The following MDGA2 variants were observed in gnomAD, a reference collection of about 807,000 sequenced individuals.
MDGA2 encodes MAM domain-containing glycosylphosphatidylinositol anchor protein 2.
A neutral mutation model predicts 117.8 loss-of-function variants in MDGA2; 40 were observed. The observed-to-expected ratio is 0.34, with a 90% confidence interval of 0.26 to 0.44. The LOEUF (loss-of-function observed/expected upper bound fraction) is 0.44. Among genes scored for constraint, MDGA2 ranks in the 20% least tolerant of loss-of-function variants. MDGA2 has a pLI of 1.00. For missense variants in MDGA2, 1,123 were observed against 1,250.6 expected, an observed-to-expected ratio of 0.90 and a Z score of 1.54; for synonymous variants, 452 against 439.0, an observed-to-expected ratio of 1.03 and a Z score of -0.37.
At chr14:47,183,422 G>T (rs567195738) in intron 3 of MDGA2, among the ~76,000 whole-genome samples, 1 of 151,864 alleles carries the variant, frequency 6.6e-6, no homozygotes, top group Non-Finnish European at 1.5e-5. Context: ...TTCCAATTTT[G>T]ACATTTCAAT....
intron 2 of MDGA2, among the ~76,000 whole-genome samples, chr14:47,265,170 T>C (rs1887924441): frequency 1.3e-5 from 2 of 152,174 alleles, no homozygotes; most frequent in African/African-American, 4.8e-5. Context: ...GCACTGTACA[T>C]CATTACATAG....
At chr14:47,172,768 C>T (rs756621273) in intron 3 of MDGA2, among the ~76,000 whole-genome samples, 20 of 152,204 alleles carry the variant, frequency 1.3e-4, no homozygotes, top group Non-Finnish European at 2.6e-4. Flanking sequence ...GAATGCAGTT[C>T]CTCACTAGCA....
At chr14:47,158,887 T>C (rs1056552605) in intron 3 of MDGA2, among the ~76,000 whole-genome samples, 2 of 152,214 alleles carry the variant, frequency 1.3e-5, no homozygotes, top group African/African-American at 4.8e-5. Context: ...TCTCAAGCCA[T>C]GAATACACAT....
At chr14:47,505,523 C>T (rs1186590994) in intron 1 of MDGA2, among the ~76,000 whole-genome samples, 1 of 152,068 alleles carries the variant, frequency 6.6e-6, no homozygotes, top group Non-Finnish European at 1.5e-5. Context: ...TGTTGCATCA[C>T]TATGTACTCA....
At chr14:46,945,605 A>G (rs1017947343) in intron 9 of MDGA2, among the ~76,000 whole-genome samples, 2 of 152,044 alleles carry the variant, frequency 1.3e-5, no homozygotes, top group Non-Finnish European at 1.5e-5. Context: ...TCCTGCAGAT[A>G]GATGCTTTTG....
At chr14:47,151,980 A>G (rs1012184728) in intron 3 of MDGA2, among the ~76,000 whole-genome samples, 2 of 152,146 alleles carry the variant, frequency 1.3e-5, no homozygotes, top group African/African-American at 4.8e-5. Flanking sequence ...ATAATAATTA[A>G]GAAAAATGTG....
Position 47,521,234 on chromosome 14 carries a change from A to C in MDGA2, c.280+153283T>G, listed in dbSNP as rs138712482. ...ATTCAATTATTGAATAAGAAACTAG[A>C]ATCTGGATGTGGGGGATCAGTTTTT... On this transcript the variant is annotated intron_variant, in intron 1 of 16. Transcript: ENST00000399232. Among the ~76,000 whole-genome samples the C allele has an allele frequency of 1.1e-4, 17 of 152,266 alleles. No homozygotes were observed. The East Asian group carries it at 3.3e-3, about 29-fold the overall frequency.
intron 1 of MDGA2, among the ~76,000 whole-genome samples, chr14:47,574,073 T>C (rs533568595): frequency 1.2e-4 from 18 of 152,090 alleles, no homozygotes; most frequent in African/African-American, 3.1e-4. Context: ...AAACATTAGG[T>C]TATATATGGC....
intron 1 of MDGA2, among the ~76,000 whole-genome samples, chr14:47,648,197 C>G: frequency 6.6e-6 from 1 of 152,106 alleles, no homozygotes; most frequent in South Asian, 2.1e-4. Context: ...TGAGACACTT[C>G]TGTTTTTAAT....
chr14:47,175,341 A>C (rs1884388746), intron 3 of MDGA2, among the ~76,000 whole-genome samples: 2 of 151,820 alleles, frequency 1.3e-5, no homozygotes, highest in Non-Finnish European at 2.9e-5. Context: ...GCAGAGACAC[A>C]ACCAAAAAAG....
intron 1 of MDGA2, among the ~76,000 whole-genome samples, chr14:47,584,759 C>A (rs1002630787): frequency 6.6e-6 from 1 of 151,802 alleles, no homozygotes; most frequent in African/African-American, 2.4e-5. Flanking sequence ...TTCTTATAAT[C>A]CCATAGAAGT....
intron 1 of MDGA2, among the ~76,000 whole-genome samples, chr14:47,336,079 T>C (rs1005283706): frequency 6.6e-6 from 1 of 151,840 alleles, no homozygotes; most frequent in South Asian, 2.1e-4. Context: ...TTTAAGTTTT[T>C]TACCTGAATG....
At chr14:47,432,970 C>T (rs1892828223) in intron 1 of MDGA2, among the ~76,000 whole-genome samples, 1 of 152,004 alleles carries the variant, frequency 6.6e-6, no homozygotes, top group Non-Finnish European at 1.5e-5. Context: ...GTGCCAGGAA[C>T]TGTGTCAAAT....
chr14:47,551,393 C>T (rs897783155), intron 1 of MDGA2, among the ~76,000 whole-genome samples: 1 of 152,140 alleles, frequency 6.6e-6, no homozygotes, highest in Non-Finnish European at 1.5e-5. Context: ...CAAAACATAT[C>T]TACTGCATGC....
intron 1 of MDGA2, among the ~76,000 whole-genome samples, chr14:47,548,336 C>T (rs2138771157): frequency 6.6e-6 from 1 of 152,078 alleles, no homozygotes; most frequent in Non-Finnish European, 1.5e-5. Context: ...GCATTGCTTT[C>T]CTGTTTCTTG....
chr14:47,482,569 T>A (rs1017835761), intron 1 of MDGA2, among the ~76,000 whole-genome samples: 1 of 152,096 alleles, frequency 6.6e-6, no homozygotes, highest in Non-Finnish European at 1.5e-5. Context: ...TAAAATCTAA[T>A]GTTTATTTTA....
intron 1 of MDGA2, among the ~76,000 whole-genome samples, chr14:47,554,142 A>G (rs1895640710): frequency 6.6e-6 from 1 of 152,104 alleles, no homozygotes. Flanking sequence ...GTTCCATTAG[A>G]GGTGATATTG....
intron 1 of MDGA2, among the ~76,000 whole-genome samples, chr14:47,599,621 C>T (rs1038749179): frequency 3.3e-5 from 5 of 152,078 alleles, no homozygotes; most frequent in African/African-American, 9.7e-5. Context: ...ATACATTTTG[C>T]GAGTTTCTGG....
At chr14:47,140,122 A>G (rs966699647) in intron 4 of MDGA2, among the ~76,000 whole-genome samples, 1 of 151,922 alleles carries the variant, frequency 6.6e-6, no homozygotes, top group Non-Finnish European at 1.5e-5. Flanking sequence ...AATAAATTTA[A>G]CCAAGGAGGG....
Sources: gnomAD v4.1 joint callset for allele counts (sites outside exome capture counted in the v4.1 genomes callset) on GRCh38, gnomAD v4.1.1 for gene constraint, MANE v1.5 for transcripts, NCBI Gene and HGNC (gene_info 2026-07-23, HGNC 2026-07-21) for gene names.